Variants in SPECC1 observed in about 807,000 individuals in gnomAD.
SPECC1 encodes cytospin-B.
SPECC1 carries 62 observed loss-of-function variants against 104.1 expected under a neutral mutation model. The ratio of observed to expected loss-of-function variants is 0.60; its 90% CI spans 0.49 to 0.74. The LOEUF is 0.74. Among genes scored for constraint, SPECC1 ranks in the 30% least tolerant of loss-of-function variants. The pLI is 0.00. For synonymous variants in SPECC1, 513 were observed against 501.6 expected (o/e 1.02, Z -0.30); for missense variants, 1,306 against 1,310.5 (o/e 1.00, Z 0.05).
chr17:20,183,074 T>C (rs890198934), intron 3 of SPECC1, among the ~76,000 whole-genome samples: 2 of 151,978 alleles, frequency 1.3e-5, no homozygotes, highest in Admixed American at 6.6e-5. Flanking sequence ...CCAAAAGAGG[T>C]GGCGGTAGAG....
rs1396045910 is a variant in SPECC1 at position 20,318,129 on chromosome 17, T to A, written c.*4064T>A. Reference sequence around the variant, plus strand: ...CTCAGCCAGTAGTCATTTAAAATTCTTCAGTTGTTCTGAAGATCCTTTTTT... The same window carrying A: ...CTCAGCCAGTAGTCATTTAAAATTCATCAGTTGTTCTGAAGATCCTTTTTT... On this transcript the variant is annotated 3_prime_UTR_variant, in exon 15 of 15. Coordinates refer to ENST00000395527, the MANE Select transcript of SPECC1 (RefSeq NM_001243439.2). 1 of 231,454 alleles carries A rather than the reference T, an allele frequency of 4.3e-6. No homozygotes were observed. Among genetic ancestry groups the A allele is most frequent in the African/African-American group, 2.2e-5 (1 of 45,258 alleles). 14.3% of individuals were successfully genotyped at this position (231,454 alleles called of 1,614,324 possible). A position where few individuals can be genotyped will look rare whatever the true frequency, so the allele number is the denominator to read the frequency against.
In SPECC1 at chr17:20,166,702, G is replaced by A. The variant is rs1015475808; in HGVS notation, c.284-37631G>A. ...GTTTTTAAAAACGGCAGACATTAAT[G>A]AAGTAAGTTACGACTGTGTCTGTTT... On this transcript the variant is annotated intron_variant, in intron 3 of 14. Coordinates refer to ENST00000395527, the MANE Select transcript of SPECC1 (RefSeq NM_001243439.2). 1.2e-4 allele frequency among the ~76,000 whole-genome samples: 18 copies of A among 152,294 alleles called. 1 individual carries two copies. Among genetic ancestry groups the A allele is most frequent in the African/African-American group, 3.8e-4 (16 of 41,562 alleles).
chr17:20,078,738 A>G (rs2046859096), intron 1 of SPECC1, among the ~76,000 whole-genome samples: 1 of 152,230 alleles, frequency 6.6e-6, no homozygotes, highest in African/African-American at 2.4e-5. Flanking sequence ...ATTGTATGTT[A>G]AAAATATAAG....
chr17:20,163,703 G>A (rs2033385720), intron 3 of SPECC1, among the ~76,000 whole-genome samples: 1 of 151,960 alleles, frequency 6.6e-6, no homozygotes, highest in South Asian at 2.1e-4. Context: ...TACGACTACA[G>A]GAGCATGTCA....
intron 1 of SPECC1, among the ~76,000 whole-genome samples, chr17:20,019,377 A>G (rs1244159419): frequency 6.6e-6 from 1 of 152,072 alleles, no homozygotes; most frequent in East Asian, 1.9e-4. Context: ...TCCCAGTCAG[A>G]TGGTCATGAA....
rs1254137979 is a variant in SPECC1, at chr17:20,318,174, G to T, written c.*4109G>T. ...TTTTTTTAATGTATCATTTTTACAT[G>T]AAAGACAGCTGCAAAATGCAAGCCC... On this transcript the variant is annotated 3_prime_UTR_variant, in exon 15 of 15. Transcript: ENST00000395527. The T allele has an allele frequency of 4.3e-6, 1 of 230,940 alleles. No homozygotes were observed. Among genetic ancestry groups the T allele is most frequent in the Non-Finnish European group, 8.6e-6 (1 of 116,734 alleles). 14.3% of individuals were successfully genotyped at this position (230,940 alleles called of 1,614,324 possible). A position where few individuals can be genotyped will look rare whatever the true frequency, so the allele number is the denominator to read the frequency against.
chr17:20,046,412 T>C (rs2045539547), intron 1 of SPECC1, among the ~76,000 whole-genome samples: 1 of 152,238 alleles, frequency 6.6e-6, no homozygotes, highest in Non-Finnish European at 1.5e-5. Flanking sequence ...GTACTACTGC[T>C]AGTTCATTCA....
At chr17:20,016,833 C>T (rs2044151443) in intron 1 of SPECC1, among the ~76,000 whole-genome samples, 1 of 152,256 alleles carries the variant, frequency 6.6e-6, no homozygotes, top group Non-Finnish European at 1.5e-5. Context: ...GACTGGCAGG[C>T]AGCTCCACCT....
At chr17:20,200,291 T>G (rs2036328969) in intron 3 of SPECC1, among the ~76,000 whole-genome samples, 1 of 152,256 alleles carries the variant, frequency 6.6e-6, no homozygotes. Flanking sequence ...TTATATGAAT[T>G]CTATGAATGC....
intron 1 of SPECC1, among the ~76,000 whole-genome samples, chr17:20,032,178 C>G (rs374901237): frequency 2.8e-4 from 42 of 152,018 alleles, no homozygotes; most frequent in African/African-American, 9.9e-4. Flanking sequence ...ATAAGTTTTC[C>G]TCTAGCTGCT....
Position 20,205,857 on chromosome 17 carries a change from A to C in SPECC1, c.1808A>C (p.Gln603Pro). Reference protein sequence around the residue: ...LLELSCNELRQELLKANGEIK... With the variant: ...LLELSCNELRPELLKANGEIK... ...GAACTGTCTTGCAATGAGCTCAGAC[A>C]AGAATTACTAAAGGCAAACGGTGAA... is the stretch of plus-strand genomic sequence containing the variant. The change falls in exon 4 of 15, where the codon CAA becomes CCA. Residue 603 changes from glutamine (Q) to proline (P), a missense_variant. This residue lies in a region of SPECC1 where 1,177 missense variants were observed against 1,139.9 expected (regional missense o/e 1.03). Transcript: ENST00000395527. The C allele has an allele frequency of 1.2e-6, 2 of 1,614,062 alleles. No homozygotes were observed. The highest frequency in any genetic ancestry group is 1.7e-6 in the Non-Finnish European group (2 of 1,180,014).
chr17:20,266,354 C>T (rs768369377), intron 12 of SPECC1, among the ~76,000 whole-genome samples: 3 of 151,958 alleles, frequency 2.0e-5, no homozygotes, highest in Non-Finnish European at 2.9e-5. Flanking sequence ...GAGGCTGAGG[C>T]GGGTGGATCA....
intron 3 of SPECC1, among the ~76,000 whole-genome samples, chr17:20,178,849 A>T (rs2034661301): frequency 6.6e-6 from 1 of 152,216 alleles, no homozygotes; most frequent in South Asian, 2.1e-4. Flanking sequence ...GATTGAAAGG[A>T]CTCATGGAAT....
chr17:20,277,843 A>C (rs1198489306), intron 12 of SPECC1, among the ~76,000 whole-genome samples: 1 of 152,118 alleles, frequency 6.6e-6, no homozygotes, highest in Non-Finnish European at 1.5e-5. Flanking sequence ...CCCTTTGATG[A>C]GGGGCTGATT....
At chr17:20,142,080 C>T (rs961551269) in intron 3 of SPECC1, among the ~76,000 whole-genome samples, 14 of 152,134 alleles carry the variant, frequency 9.2e-5, no homozygotes, top group African/African-American at 2.9e-4. Flanking sequence ...TGTTATCTAC[C>T]GAATGAAGGA....
intron 14 of SPECC1, among the ~76,000 whole-genome samples, chr17:20,307,653 A>G (rs2041807536): frequency 6.6e-6 from 1 of 152,206 alleles, no homozygotes; most frequent in African/African-American, 2.4e-5. Context: ...TGGGCTATCT[A>G]AATAATAGTG....
chr17:20,242,032 A>G (rs2039225430), intron 7 of SPECC1, among the ~76,000 whole-genome samples: 1 of 152,202 alleles, frequency 6.6e-6, no homozygotes, highest in Admixed American at 6.5e-5. Flanking sequence ...AGGCGTGAGC[A>G]TGTGGTTGAC....
intron 3 of SPECC1, among the ~76,000 whole-genome samples, chr17:20,147,878 A>C (rs1387595038): frequency 6.6e-6 from 1 of 152,154 alleles, no homozygotes; most frequent in Admixed American, 6.5e-5. Flanking sequence ...TCTATAAAAC[A>C]TTTAAAAAAG....
chr17:20,181,755 GAAAA>G (rs548026606), intron 3 of SPECC1, among the ~76,000 whole-genome samples: 1 of 150,600 alleles, frequency 6.6e-6, no homozygotes, highest in African/African-American at 2.4e-5. Flanking sequence ...ATTGGAACGT[GAAAA>G]AAAAATTCAA....
Sources: gnomAD v4.1 joint callset for allele counts (sites outside exome capture counted in the v4.1 genomes callset) on GRCh38, gnomAD v4.1.1 for gene constraint, gnomAD v4.1.1 regional missense constraint, MANE v1.5 for transcripts, NCBI Gene and HGNC (gene_info 2026-07-23, HGNC 2026-07-21) for gene names.